DHX35: variants seen among roughly 807,000 people sequenced by gnomAD.
DHX35 encodes the protein probable ATP-dependent RNA helicase DHX35.
Under a neutral mutation model 99.6 loss-of-function variants are expected in DHX35, and 84 were observed. That is an observed-to-expected ratio of 0.84 (90% CI 0.71 to 1.01). The LOEUF (loss-of-function observed/expected upper bound fraction) is 1.01. Among genes scored for constraint, DHX35 ranks in the 50% least tolerant of loss-of-function variants. The pLI is 0.00. For missense variants in DHX35, 852 were observed against 888.5 expected (o/e 0.96, Z 0.52); for synonymous variants, 331 against 316.2 (o/e 1.05, Z -0.50).
chr20:39,012,677 G>C (rs760793496), intron 13 of DHX35, among the ~76,000 whole-genome samples: 1 of 152,092 alleles, frequency 6.6e-6, no homozygotes, highest in Non-Finnish European at 1.5e-5. Flanking sequence ...CTACAGGAAA[G>C]AGCCACCATG....
intron 21 of DHX35, among the ~76,000 whole-genome samples, chr20:39,034,631 A>C (rs1377039458): frequency 7.0e-6 from 1 of 143,878 alleles, no homozygotes. Flanking sequence ...TCTGCCGCCC[A>C]GGCTGGAGTG....
At chr20:38,983,234 A>G (rs1017286883) in intron 3 of DHX35, among the ~76,000 whole-genome samples, 6 of 152,206 alleles carry the variant, frequency 3.9e-5, no homozygotes, top group African/African-American at 1.4e-4. Flanking sequence ...AATTTTATAT[A>G]TGTGTACTAA....
Position 39,028,404 on chromosome 20 carries a change from G to T in DHX35, c.1802-14G>T, listed in dbSNP as rs1188165037. ...CAAGGGTTTCACCCGCCTCTCTGTTGGCTGCCTATGTAGGTGACCCGGATC... is the reference window on the plus strand; with the variant it reads ...CAAGGGTTTCACCCGCCTCTCTGTTTGCTGCCTATGTAGGTGACCCGGATC... On this transcript the variant is annotated splice_polypyrimidine_tract_variant and intron_variant, in intron 18 of 21. Transcript: ENST00000252011. The T allele has an allele frequency of 1.9e-6, 3 of 1,614,106 alleles. No homozygotes were observed. The highest frequency in any genetic ancestry group is 2.5e-6 in the Non-Finnish European group (3 of 1,179,962).
At chr20:38,980,856 A>G (rs1389708777) in intron 3 of DHX35, among the ~76,000 whole-genome samples, 1 of 152,076 alleles carries the variant, frequency 6.6e-6, no homozygotes, top group African/African-American at 2.4e-5. Flanking sequence ...CCTACATTGC[A>G]TTTAGTTGTT....
At chr20:38,983,357 CT>C in intron 3 of DHX35, among the ~76,000 whole-genome samples, 1 of 152,230 alleles carries the variant, frequency 6.6e-6, no homozygotes, top group East Asian at 1.9e-4. Flanking sequence ...CTTAAAAATT[CT>C]TTGTTCTACA....
chr20:39,029,900 A>C (rs1415362701), intron 19 of DHX35: 1 of 151,928 alleles, frequency 6.6e-6, no homozygotes, highest in Non-Finnish European at 1.5e-5. Context: ...CACTTGAAGC[A>C]CTTCCCCCAA....
At position 38,972,609 on chromosome 20, in the gene DHX35, T is replaced by G; in HGVS notation, c.225T>G (p.Ile75Met). The change falls in exon 3 of 22, where the codon ATT (isoleucine) becomes ATG (methionine). Residue 75 changes from isoleucine to methionine, a missense_variant. Physicochemically the swap from Ile to Met is conservative, Grantham distance 10. Coordinates refer to ENST00000252011, the MANE Select transcript of DHX35 (RefSeq NM_021931.4). Reference sequence around the variant, plus strand: ...TAGAAAATTATCAGACAGTGGTGATTGTTGGTGAAACAGGATGTGGGAAGA... The same window carrying G: ...TAGAAAATTATCAGACAGTGGTGATGGTTGGTGAAACAGGATGTGGGAAGA... ...YLIENYQTVV[I>M]VGETGCGKST... 6.2e-7 allele frequency: 1 copy of G among 1,613,150 alleles called. No homozygotes were observed. The highest frequency in any genetic ancestry group is 1.7e-5 in the Admixed American group (1 of 60,016).
chr20:38,989,562 C>A (rs1394194416), intron 5 of DHX35, among the ~76,000 whole-genome samples: 2 of 151,984 alleles, frequency 1.3e-5, no homozygotes, highest in Non-Finnish European at 1.5e-5. Flanking sequence ...GTGATAGGAC[C>A]AAGACTCAAA....
intron 20 of DHX35, among the ~76,000 whole-genome samples, chr20:39,030,998 A>G (rs377011722): frequency 1.7e-4 from 26 of 152,106 alleles, no homozygotes; most frequent in South Asian, 6.2e-4. Flanking sequence ...CCTCATCTCT[A>G]CTAAAAATAC....
intron 14 of DHX35, among the ~76,000 whole-genome samples, chr20:39,015,336 G>A (rs1173792848): frequency 6.6e-6 from 1 of 152,122 alleles, no homozygotes; most frequent in Non-Finnish European, 1.5e-5. Context: ...TTCATTCCTG[G>A]AGTTGCTTGT....
chr20:39,027,559 A>G (rs1039067223), intron 18 of DHX35, among the ~76,000 whole-genome samples: 1 of 152,232 alleles, frequency 6.6e-6, no homozygotes, highest in Non-Finnish European at 1.5e-5. Context: ...GCTAGTAAGA[A>G]TGCAGTGAAA....
In DHX35 at chr20:38,983,752, G is replaced by A. The variant is rs769553043; in HGVS notation, c.321G>A (p.Gln107=). 1.2e-6 allele frequency: 2 copies of A among 1,614,054 alleles called. No homozygotes were observed. The highest frequency in any genetic ancestry group is 4.5e-5 in the East Asian group (2 of 44,882). The change falls in exon 4 of 22, where the codon CAG becomes CAA. Residue 107 remains glutamine, a synonymous_variant. Coordinates refer to ENST00000252011, the MANE Select transcript of DHX35 (RefSeq NM_021931.4). ...TAEGRVVGVT[Q]PRRVAAVTVA... is the part of the protein sequence containing the mutation. ...AAGGAAGAGTGGTAGGAGTGACCCA[G>A]CCTCGAAGAGTGGCTGCTGTTACAG...
chr20:39,016,915 C>T (rs1252978436), intron 14 of DHX35, among the ~76,000 whole-genome samples: 1 of 133,332 alleles, frequency 7.5e-6, no homozygotes, highest in Non-Finnish European at 1.6e-5. Flanking sequence ...TTCATACATT[C>T]TGGGCACATA....
intron 12 of DHX35, among the ~76,000 whole-genome samples, chr20:39,009,030 T>A (rs562762264): frequency 2.0e-5 from 3 of 152,192 alleles, no homozygotes; most frequent in African/African-American, 7.2e-5. Flanking sequence ...TCAAGGGGAT[T>A]GGCTGTGACT....
chr20:39,001,871 G>C, intron 9 of DHX35, 29 bp downstream of exon 9: 1 of 1,544,090 alleles, frequency 6.5e-7, no homozygotes, highest in Non-Finnish European at 8.9e-7. Flanking sequence ...TCTGGATGAT[G>C]GTGTTTAGAA....
intron 4 of DHX35, among the ~76,000 whole-genome samples, chr20:38,986,928 C>T (rs948063795): frequency 6.6e-6 from 1 of 152,200 alleles, no homozygotes; most frequent in African/African-American, 2.4e-5. Context: ...GGGCAGGAAA[C>T]GCCTGGGTGT....
rs1473116049 is a variant in DHX35, at chr20:39,002,835, A to C, written c.819A>C (p.Gly273=). Reference sequence around the variant, plus strand: ...TGGTGAAAATTCACCAGACAGAGGGAGACGGAGACGTTTTAGCATTTCTTA... The same window carrying C: ...TGGTGAAAATTCACCAGACAGAGGGCGACGGAGACGTTTTAGCATTTCTTA... ...ETVVKIHQTE[G]DGDVLAFLTG... The change falls in exon 10 of 22, where the codon GGA becomes GGC. Residue 273 remains glycine, a synonymous_variant. Coordinates refer to ENST00000252011, the MANE Select transcript of DHX35 (RefSeq NM_021931.4). 1 of 1,614,198 alleles carries C rather than the reference A, an allele frequency of 6.2e-7. No homozygotes were observed. The highest frequency in any genetic ancestry group is 1.7e-5 in the Admixed American group (1 of 60,030).
Position 39,014,939 on chromosome 20 carries a change from G to A in DHX35, c.1402+5G>A, listed in dbSNP as rs2086759756. 1.2e-6 allele frequency: 2 copies of A among 1,614,096 alleles called. No individual in the cohort carries two copies. Among genetic ancestry groups the A allele is most frequent in the Non-Finnish European group, 1.7e-6 (2 of 1,179,980 alleles). On this transcript the variant is annotated splice_donor_5th_base_variant and intron_variant, in intron 14 of 21. Transcript: ENST00000252011. ...AGTTACTGTATGCTCTGGGAGGTAT[G>A]CCAGTTTCTCTCATCATTCTCTCTT...
At chr20:39,030,389 A>C in intron 19 of DHX35, 1 of 318,832 alleles carries the variant, frequency 3.1e-6, no homozygotes, top group Non-Finnish European at 5.8e-6. Context: ...TCCATTCCAA[A>C]GGAAATTGTT....
Sources: allele counts gnomAD v4.1 joint callset (sites outside exome capture counted in the v4.1 genomes callset), GRCh38; gene constraint gnomAD v4.1.1; transcripts MANE v1.5; gene names NCBI Gene and HGNC (gene_info 2026-07-23, HGNC 2026-07-21).